Variants in ADNP2 observed in about 807,000 individuals in gnomAD.
ADNP2 encodes the protein ADNP homeobox 2.
Under a neutral mutation model 16.4 loss-of-function variants are expected in ADNP2, and 8 were observed. The observed-to-expected ratio is 0.49, with a 90% CI of 0.29 to 0.88. The LOEUF (loss-of-function observed/expected upper bound fraction) is 0.88. Among genes scored for constraint, ADNP2 ranks in the 40% least tolerant of loss-of-function variants. ADNP2 has a pLI of 0.09. For synonymous variants in ADNP2, 637 were observed against 545.8 expected, an observed-to-expected ratio of 1.17 and a Z score of -2.33; for missense variants, 1,397 against 1,395.1, an observed-to-expected ratio of 1.00 and a Z score of -0.02.
chr18:80,110,339 C>T (rs527659285), intron 1 of ADNP2, among the ~76,000 whole-genome samples: 8 of 152,272 alleles, frequency 5.3e-5, no homozygotes, highest in South Asian at 2.1e-4. Flanking sequence ...AGAAGACTTG[C>T]CTGCGTGCTT....
At position 80,136,385 on chromosome 18, in the gene ADNP2, T is replaced by G; in HGVS notation, c.972T>G (p.Pro324=). 1 of 1,614,154 alleles carries G rather than the reference T, an allele frequency of 6.2e-7. No individual in the cohort carries two copies. The highest frequency in any genetic ancestry group is 1.1e-5 in the South Asian group (1 of 91,080). The change falls in exon 4 of 4, where the codon CCT becomes CCG. Residue 324 remains proline (P), a synonymous_variant. Transcript: ENST00000262198. ...GAPGSLTHSP[P]AAGQSHMTLV... The stretch of plus-strand genomic sequence containing the variant: ...CTGGAAGCCTCACTCATTCCCCCCC[T>G]GCTGCTGGCCAATCCCACATGACTC...
At chr18:80,134,634 T>C (rs371798744) in intron 3 of ADNP2, among the ~76,000 whole-genome samples, 2 of 152,114 alleles carry the variant, frequency 1.3e-5, no homozygotes, top group Admixed American at 6.5e-5. Flanking sequence ...TCTCAAGTTA[T>C]TGCAAACCAG....
In ADNP2 at chr18:80,136,177, T is replaced by C. The variant is rs771691898; in HGVS notation, c.764T>C (p.Ile255Thr). 4 of 1,614,106 alleles carry C rather than the reference T, an allele frequency of 2.5e-6. No individual in the cohort carries two copies. The highest frequency in any genetic ancestry group is 3.4e-6 in the Non-Finnish European group (4 of 1,180,052). Residue 255 changes from isoleucine to threonine, a missense_variant, in exon 4 of 4, where the codon ATT becomes ACT. Coordinates refer to ENST00000262198, the MANE Select transcript of ADNP2 (RefSeq NM_014913.4). ...CTTAGATCTGTGATTTCAGAACATA[T>C]TAAGAGGACTGGACTCTTGAAGCAA... is the stretch of plus-strand genomic sequence containing the variant. ...NKLRSVISEH[I>T]KRTGLLKQTH...
At position 80,136,133 on chromosome 18, in the gene ADNP2, CAG is replaced by C. The variant is rs1387176279; in HGVS notation, c.724_725del (p.Asp242PhefsTer4). On this transcript the variant is annotated frameshift_variant, in exon 4 of 4. Coordinates refer to ENST00000262198, the MANE Select transcript of ADNP2 (RefSeq NM_014913.4). LOFTEE classifies it low-confidence loss of function (END_TRUNC). ...MYHILTSDIH[R>X]DLENKLRSVI... is the part of the protein sequence containing the mutation. ...ATCACATTTTGACATCAGACATACA[CAG>C]AGATTTGGAGAATAAGCTTAGATCT... The C allele has an allele frequency of 6.2e-7, 1 of 1,614,222 alleles. No individual in the cohort carries two copies. The highest frequency in any genetic ancestry group is 8.5e-7 in the Non-Finnish European group (1 of 1,180,024).
At chr18:80,128,529 A>G (rs970844517) in intron 2 of ADNP2, among the ~76,000 whole-genome samples, 4 of 152,302 alleles carry the variant, frequency 2.6e-5, no homozygotes, top group Middle Eastern at 3.4e-3. Context: ...ATGTGCCTGT[A>G]GTCCCAGCTA....
At chr18:80,119,738 G>A (rs375511861) in intron 2 of ADNP2, among the ~76,000 whole-genome samples, 5 of 152,326 alleles carry the variant, frequency 3.3e-5, no homozygotes, top group African/African-American at 1.2e-4. Flanking sequence ...CTCTTTAGGA[G>A]TTGTTTTTTA....
intron 2 of ADNP2, among the ~76,000 whole-genome samples, chr18:80,123,006 T>C (rs1183105154): frequency 6.6e-6 from 1 of 152,222 alleles, no homozygotes; most frequent in Non-Finnish European, 1.5e-5. Flanking sequence ...TGAGTGATTT[T>C]TTTTTTAATC....
chr18:80,112,769 TCCAC>T (rs2052365930), intron 1 of ADNP2, among the ~76,000 whole-genome samples: 1 of 152,162 alleles, frequency 6.6e-6, no homozygotes, highest in Non-Finnish European at 1.5e-5. Context: ...CTTTTAAAAG[TCCAC>T]CAGTCTTTGT....
At chr18:80,122,291 C>G (rs936742263) in intron 2 of ADNP2, among the ~76,000 whole-genome samples, 2 of 152,118 alleles carry the variant, frequency 1.3e-5, no homozygotes, top group Non-Finnish European at 2.9e-5. Context: ...GTGAGTCTTC[C>G]AACTGTATTC....
chr18:80,126,326 T>C (rs539090221), intron 2 of ADNP2, among the ~76,000 whole-genome samples: 5 of 152,286 alleles, frequency 3.3e-5, no homozygotes, highest in African/African-American at 1.2e-4. Flanking sequence ...TATTTTAAAC[T>C]GTAAAAAAGA....
chr18:80,124,212 A>G (rs1363747514), intron 2 of ADNP2, among the ~76,000 whole-genome samples: 1 of 152,154 alleles, frequency 6.6e-6, no homozygotes, highest in Non-Finnish European at 1.5e-5. Flanking sequence ...ACATCAAGTT[A>G]ATTTTGTTTG....
chr18:80,132,392 G>A (rs1252243439), intron 2 of ADNP2, among the ~76,000 whole-genome samples: 1 of 152,326 alleles, frequency 6.6e-6, no homozygotes, highest in African/African-American at 2.4e-5. Flanking sequence ...GTAGGAAGAT[G>A]TGCATAGGTT....
intron 1 of ADNP2, among the ~76,000 whole-genome samples, chr18:80,115,417 G>T (rs1017284346): frequency 9.2e-5 from 14 of 152,096 alleles, no homozygotes; most frequent in African/African-American, 3.4e-4. Context: ...TGCTACTGGG[G>T]TGTATAACTG....
At position 80,137,447 on chromosome 18, in the gene ADNP2, C is replaced by T; in HGVS notation, c.2034C>T (p.Ser678=). The change falls in exon 4 of 4, where the codon TCC becomes TCT. Residue 678 remains serine (S), a synonymous_variant. Coordinates refer to ENST00000262198, the MANE Select transcript of ADNP2 (RefSeq NM_014913.4). This position sits in a 1 kb window ranked among gnomAD's most constrained non-coding sequence, Gnocchi z 4.2. ...AGAGCGTGTTTGTTCAGGCCTCCTC[C>T]TCTGCAGCAGACACAAACCAGGTGC... ...AAQSVFVQAS[S]SAADTNQVLK... is the part of the protein sequence containing the mutation. 1 of 1,614,234 alleles carries T rather than the reference C, an allele frequency of 6.2e-7. No individual in the cohort carries two copies. The highest frequency in any genetic ancestry group is 8.5e-7 in the Non-Finnish European group (1 of 1,180,042).
chr18:80,123,553 A>G (rs565218675), intron 2 of ADNP2, among the ~76,000 whole-genome samples: 1 of 151,566 alleles, frequency 6.6e-6, no homozygotes, highest in East Asian at 1.9e-4. Flanking sequence ...TATTTTTAGT[A>G]GAGACGGGTT....
intron 1 of ADNP2, among the ~76,000 whole-genome samples, chr18:80,111,424 A>G (rs527583451): frequency 3.9e-4 from 59 of 152,172 alleles, no homozygotes; most frequent in Non-Finnish European, 7.8e-4. Flanking sequence ...TACACAGCTC[A>G]TAAATGGTGG....
chr18:80,130,821 C>T (rs897860160), intron 2 of ADNP2, among the ~76,000 whole-genome samples: 2 of 134,676 alleles, frequency 1.5e-5, no homozygotes, highest in East Asian at 4.6e-4. Context: ...AGTCATTATT[C>T]ATAGCACCTA....
At chr18:80,123,516 T>A (rs2052438585) in intron 2 of ADNP2, among the ~76,000 whole-genome samples, 3 of 151,046 alleles carry the variant, frequency 2.0e-5, no homozygotes, top group South Asian at 4.2e-4. Context: ...GATTCAGGCA[T>A]GCGCCACCAC....
intron 2 of ADNP2, among the ~76,000 whole-genome samples, chr18:80,127,338 A>AG (rs1295948039): frequency 2.4e-5 from 1 of 40,840 alleles, no homozygotes; most frequent in Non-Finnish European, 4.8e-5. Flanking sequence ...GGGTTTTTTC[A>AG]GTTTTTTTTT....
Sources: gnomAD v4.1 joint callset for allele counts (sites outside exome capture counted in the v4.1 genomes callset) on GRCh38, gnomAD v4.1.1 for gene constraint, Gnocchi (gnomAD v3.1) non-coding constraint, MANE v1.5 for transcripts, NCBI Gene and HGNC (gene_info 2026-07-23, HGNC 2026-07-21) for gene names.